Variants in USP32 observed in about 807,000 individuals in gnomAD.
USP32 encodes ubiquitin specific peptidase 32.
A neutral mutation model predicts 204.8 loss-of-function variants in USP32; 59 were observed. The observed-to-expected ratio is 0.29, with a 90% CI of 0.23 to 0.36. The LOEUF is 0.36. Among genes scored for constraint, USP32 ranks in the 10% least tolerant of loss-of-function variants. USP32 has a pLI of 1.00. For missense variants in USP32, 1,160 were observed against 1,946.4 expected (o/e 0.60, Z 7.60); for synonymous variants, 517 against 678.4 (o/e 0.76, Z 3.70).
chr17:60,396,369 G>A (rs1342680114), upstream of USP32, among the ~76,000 whole-genome samples: 1 of 152,074 alleles, frequency 6.6e-6, no homozygotes, highest in Non-Finnish European at 1.5e-5. Flanking sequence ...GAGCCACCAC[G>A]CCTGTCCCGA....
At chr17:60,276,226 T>TA (rs1345571022) in intron 5 of USP32, among the ~76,000 whole-genome samples, 1 of 152,114 alleles carries the variant, frequency 6.6e-6, no homozygotes, top group Non-Finnish European at 1.5e-5. Flanking sequence ...TTTTTTGTAA[T>TA]AAAATAAAAA....
chr17:60,234,146 C>T (rs1193655001), intron 12 of USP32, among the ~76,000 whole-genome samples: 1 of 150,278 alleles, frequency 6.7e-6, no homozygotes, highest in East Asian at 2.0e-4. Context: ...TGGAGTCTTG[C>T]TCTGTCGCCC....
intron 2 of USP32, among the ~76,000 whole-genome samples, chr17:60,331,515 G>A (rs1017113735): frequency 1.3e-5 from 2 of 151,060 alleles, no homozygotes; most frequent in Non-Finnish European, 2.9e-5. Flanking sequence ...GCAGTGAGCT[G>A]TGATCATGCC....
chr17:60,198,723 T>C (rs2084592575), intron 26 of USP32, among the ~76,000 whole-genome samples: 1 of 152,274 alleles, frequency 6.6e-6, no homozygotes, highest in Admixed American at 6.5e-5. Context: ...TTTTCTCTGA[T>C]AAACATTTCT....
At chr17:60,366,008 G>A (rs982007926) in intron 1 of USP32, among the ~76,000 whole-genome samples, 14 of 152,032 alleles carry the variant, frequency 9.2e-5, no homozygotes, top group African/African-American at 2.7e-4. Flanking sequence ...ACGGAGTTTC[G>A]CTCTTGTTGC....
At chr17:60,306,843 G>A (rs1221985827) in intron 2 of USP32, among the ~76,000 whole-genome samples, 2 of 151,900 alleles carry the variant, frequency 1.3e-5, no homozygotes, top group Admixed American at 6.6e-5. Flanking sequence ...TTGCAGGATA[G>A]AAAATCAAAA....
chr17:60,227,667 C>T (rs558744981), intron 12 of USP32, among the ~76,000 whole-genome samples: 11 of 152,046 alleles, frequency 7.2e-5, no homozygotes, highest in African/African-American at 2.7e-4. Flanking sequence ...CCTGCCTGGG[C>T]CTCCCAAAGG....
chr17:60,183,402 G>A lies in USP32; in HGVS notation c.3886C>T (p.Gln1296Ter). 1 of 1,613,442 alleles carries A rather than the reference G, an allele frequency of 6.2e-7. No individual in the cohort carries two copies. The highest frequency in any genetic ancestry group is 8.5e-7 in the Non-Finnish European group (1 of 1,179,630). ...TCCCGAGGAAATTTGACAATTTTCT[G>A]TGATTTTATCCACCGACCATTTACA... Reference protein sequence around the residue: ...QFVNGRWIKSQKIVKFPRESF... With the variant: ...QFVNGRWIKS The change falls in exon 31 of 34, where the codon CAG becomes TAG. Residue 1296 changes from glutamine (Q) to a stop codon, truncating the protein, a stop_gained. Coordinates refer to ENST00000300896, the MANE Select transcript of USP32 (RefSeq NM_032582.4). LOFTEE classifies it high-confidence loss of function.
intron 7 of USP32, among the ~76,000 whole-genome samples, chr17:60,267,526 CT>C (rs58180123): frequency 1.0e-4 from 15 of 149,692 alleles, no homozygotes; most frequent in Admixed American, 5.3e-4. Context: ...AATTTTAACT[CT>C]TTTTTTTTTC....
intron 13 of USP32, 74 bp downstream of exon 13, chr17:60,225,965 A>C (rs61075156): frequency 6.9e-7 from 1 of 1,455,028 alleles, no homozygotes; most frequent in African/African-American, 1.6e-5. Context: ...AAAAAAAAAA[A>C]AAAAAGAAAA....
At chr17:60,254,131 T>G (rs906889552) in intron 10 of USP32, among the ~76,000 whole-genome samples, 6 of 152,134 alleles carry the variant, frequency 3.9e-5, no homozygotes, top group South Asian at 2.1e-4. Context: ...GAAAATAAAA[T>G]AAGAAGAAAC....
intron 5 of USP32, among the ~76,000 whole-genome samples, chr17:60,285,992 CTGGCA>C (rs2087100642): frequency 6.6e-6 from 1 of 151,996 alleles, no homozygotes; most frequent in Non-Finnish European, 1.5e-5. Context: ...CAAAAATTAG[CTGGCA>C]TGGTAGTGCA....
intron 5 of USP32, among the ~76,000 whole-genome samples, chr17:60,276,903 A>T (rs1387221500): frequency 6.6e-6 from 1 of 151,266 alleles, no homozygotes; most frequent in Non-Finnish European, 1.5e-5. Flanking sequence ...CACATTCCTC[A>T]ATCAAACATT....
intron 2 of USP32, among the ~76,000 whole-genome samples, chr17:60,324,584 A>C (rs1416236701): frequency 6.6e-6 from 1 of 152,122 alleles, no homozygotes; most frequent in African/African-American, 2.4e-5. Flanking sequence ...TTGATACTTT[A>C]TCTTTTCTTT....
upstream of USP32, among the ~76,000 whole-genome samples, chr17:60,396,069 CTTTTTTTTTTT>C (rs936063243): frequency 2.9e-4 from 22 of 74,920 alleles, 1 homozygote; most frequent in East Asian, 7.4e-3. Flanking sequence ...GCACTTGAAG[CTTTTTTTTTTT>C]TTTTTTTTTT....
intron 26 of USP32, among the ~76,000 whole-genome samples, chr17:60,198,852 G>A (rs2084596086): frequency 3.3e-5 from 5 of 152,170 alleles, no homozygotes; most frequent in Admixed American, 1.3e-4. Flanking sequence ...GGTGGCTCAC[G>A]CCTGTAATCC....
chr17:60,396,366 C>A (rs963270747), upstream of USP32, among the ~76,000 whole-genome samples: 19 of 152,104 alleles, frequency 1.2e-4, no homozygotes, highest in African/African-American at 4.6e-4. Flanking sequence ...TGTGAGCCAC[C>A]ACGCCTGTCC....
chr17:60,290,041 C>T (rs1358297973), intron 4 of USP32, among the ~76,000 whole-genome samples: 1 of 152,132 alleles, frequency 6.6e-6, no homozygotes, highest in Admixed American at 6.5e-5. Flanking sequence ...GAAAGTGGAT[C>T]ATACAAATTG....
At chr17:60,380,422 G>C (rs1294007396) in intron 1 of USP32, among the ~76,000 whole-genome samples, 1 of 152,074 alleles carries the variant, frequency 6.6e-6, no homozygotes, top group East Asian at 1.9e-4. Flanking sequence ...ACAAAAATTA[G>C]CAGGGCATAG....
Sources: allele counts gnomAD v4.1 joint callset (sites outside exome capture counted in the v4.1 genomes callset), GRCh38; gene constraint gnomAD v4.1.1; transcripts MANE v1.5; gene names NCBI Gene and HGNC (gene_info 2026-07-23, HGNC 2026-07-21).